ARHGAP35: variants seen among roughly 807,000 people sequenced by gnomAD.
The protein encoded by ARHGAP35 is Rho GTPase activating protein 35.
Under a neutral mutation model 111.1 loss-of-function variants are expected in ARHGAP35, and 15 were observed. The observed-to-expected ratio is 0.13, with a 90% confidence interval of 0.09 to 0.21. The LOEUF (loss-of-function observed/expected upper bound fraction) is 0.21, where lower values mean the gene tolerates loss of function less well. Among genes scored for constraint, ARHGAP35 ranks in the 10% least tolerant of loss-of-function variants. The pLI, the probability that ARHGAP35 is intolerant of heterozygous loss-of-function variation, is 1.00. For synonymous variants in ARHGAP35, 643 were observed against 710.3 expected (o/e 0.91, Z 1.51); for missense variants, 1,262 against 1,873.0 (o/e 0.67, Z 6.02).
Position 46,999,409 on chromosome 19 carries a change from A to G in ARHGAP35, c.4142A>G (p.Lys1381Arg). 4.5e-6 allele frequency: 7 copies of G among 1,567,896 alleles called. No homozygotes were observed. Among genetic ancestry groups the G allele is most frequent in the Non-Finnish European group, 6.1e-6 (7 of 1,154,050 alleles). Residue 1381 changes from lysine (K) to arginine (R), a missense_variant and splice_region_variant, in exon 6 of 7, where the codon AAG becomes AGG. This residue lies in a region of ARHGAP35 where 50 missense variants were observed against 60.5 expected (regional missense o/e 0.83). Transcript: ENST00000672722. This position sits in a 1 kb window ranked among gnomAD's most constrained non-coding sequence, Gnocchi z 5.4. Reference protein sequence around the residue: ...VFKYVISHLNKVSHNNKVNLM... With the variant: ...VFKYVISHLNRVSHNNKVNLM... Reference sequence around the variant, plus strand: ...AAGTATGTCATCTCTCACCTAAACAAGTAAGTCGCAGGGCCTTCTGGTTGG... The same window carrying G: ...AAGTATGTCATCTCTCACCTAAACAGGTAAGTCGCAGGGCCTTCTGGTTGG...
In ARHGAP35 at chr19:46,928,594, G is replaced by C. The variant is rs11880503; in HGVS notation, c.3681+6238G>C. 6.5e-3 allele frequency among the ~76,000 whole-genome samples: 985 copies of C among 152,030 alleles called. 9 individuals carry two copies. Among genetic ancestry groups the C allele is most frequent in the African/African-American group, 0.023 (953 of 41,466 alleles). On this transcript the variant is annotated intron_variant, in intron 2 of 6. Coordinates refer to ENST00000672722, the MANE Select transcript of ARHGAP35 (RefSeq NM_004491.5). ...TGGCCACGAGTTGTCTTCTCGGGGG[G>C]GTGGATCCGCGGTCACCAGACTTCA... is the stretch of plus-strand genomic sequence containing the variant.
chr19:46,967,800 G>A (rs185166575), intron 3 of ARHGAP35, among the ~76,000 whole-genome samples: 28 of 152,206 alleles, frequency 1.8e-4, no homozygotes, highest in African/African-American at 4.8e-4. Context: ...TTTCTCACCC[G>A]CACTGCCTTT....
chr19:46,929,695 C>G (rs2056260773), intron 2 of ARHGAP35, among the ~76,000 whole-genome samples: 1 of 146,176 alleles, frequency 6.8e-6, no homozygotes, highest in South Asian at 2.1e-4. Flanking sequence ...GGGCAGATCA[C>G]TTGAGGTCGG....
intron 3 of ARHGAP35, among the ~76,000 whole-genome samples, chr19:46,940,624 T>A (rs1252608719): frequency 6.6e-6 from 1 of 151,482 alleles, no homozygotes; most frequent in African/African-American, 2.4e-5. Flanking sequence ...TTTTTTTAAT[T>A]TTTTGTATTT....
At chr19:46,929,375 G>A (rs980083540) in intron 2 of ARHGAP35, among the ~76,000 whole-genome samples, 3 of 152,128 alleles carry the variant, frequency 2.0e-5, no homozygotes, top group Admixed American at 2.0e-4. Flanking sequence ...GCAAGAAAGT[G>A]GTTTAGGGAA....
chr19:46,977,950 A>G (rs1332002146), intron 3 of ARHGAP35, among the ~76,000 whole-genome samples: 1 of 152,186 alleles, frequency 6.6e-6, no homozygotes, highest in East Asian at 1.9e-4. Flanking sequence ...AATTGTTGGG[A>G]TCCTATAACA....
rs765901729 is a variant in ARHGAP35 at position 46,921,532 on chromosome 19, A to G, written c.2857A>G (p.Met953Val). The change falls in exon 2 of 7, where the codon ATG becomes GTG. Residue 953 changes from methionine to valine, a missense_variant. By Grantham distance (21) the Met-to-Val change is conservative. Coordinates refer to ENST00000672722, the MANE Select transcript of ARHGAP35 (RefSeq NM_004491.5). The surrounding 1 kb of genome is among the most constrained non-coding windows in gnomAD (Gnocchi z 4.3). Reference sequence around the variant, plus strand: ...AAAGAACATAATCGAGGCTACTCATATGTACGATAATGCTGCCGAGGCCTG... The same window carrying G: ...AAAGAACATAATCGAGGCTACTCATGTGTACGATAATGCTGCCGAGGCCTG... The part of the protein sequence containing the change: ...EKKNIIEATH[M>V]YDNAAEACST... 89 of 1,613,916 alleles carry G rather than the reference A, an allele frequency of 5.5e-5. No homozygotes were observed. Among genetic ancestry groups the G allele is most frequent in the Non-Finnish European group, 7.3e-5 (86 of 1,179,908 alleles).
At position 46,922,352 on chromosome 19, in the gene ARHGAP35, C is replaced by G. The variant is rs2056208160; in HGVS notation, c.3677C>G (p.Thr1226Ser). Residue 1226 changes from threonine (T) to serine (S), a missense_variant, in exon 2 of 7, where the codon ACT (threonine) becomes AGT (serine). Physicochemically the swap from Thr to Ser is moderately conservative, Grantham distance 58. Transcript: ENST00000672722. This position sits in a 1 kb window ranked among gnomAD's most constrained non-coding sequence, Gnocchi z 4.0. ...ATTCTTCGCAGCCTAAGGAGGAACA[C>G]TAAGGTAAGACACCAGTCTAGGATT... ...RNILRSLRRNTKKPKPKPRPS... is the reference protein window; with the variant it reads ...RNILRSLRRNSKKPKPKPRPS... 1 of 1,590,700 alleles carries G rather than the reference C, an allele frequency of 6.3e-7. No homozygotes were observed. The highest frequency in any genetic ancestry group is 8.6e-7 in the Non-Finnish European group (1 of 1,168,700).
In ARHGAP35 at chr19:46,920,269, G is replaced by A. The variant is rs762632928; in HGVS notation, c.1594G>A (p.Ala532Thr). ...TCTGGGAGAGGAACAGCGATTTAAA[G>A]CATTACAAAAGCTCCAAGCAGAGCG... ...DVLGEEQRFKALQKLQAERDA... is the reference protein window; with the variant it reads ...DVLGEEQRFKTLQKLQAERDA... The change falls in exon 2 of 7, where the codon GCA becomes ACA. Residue 532 changes from alanine to threonine, a missense_variant. This residue lies in a region of ARHGAP35 where 328 missense variants were observed against 440.8 expected (regional missense o/e 0.74). Coordinates refer to ENST00000672722, the MANE Select transcript of ARHGAP35 (RefSeq NM_004491.5). This position sits in a 1 kb window ranked among gnomAD's most constrained non-coding sequence, Gnocchi z 7.0. The A allele has an allele frequency of 5.0e-6, 8 of 1,614,018 alleles. No homozygotes were observed. In the South Asian group the frequency reaches 8.8e-5, roughly 18 times the overall value.
At chr19:46,978,686 G>GATGTGTGTGTGGTGGGGT (rs2056596663) in intron 3 of ARHGAP35, among the ~76,000 whole-genome samples, 1 of 80,010 alleles carries the variant, frequency 1.2e-5, no homozygotes, top group Non-Finnish European at 2.4e-5. Context: ...TGTGTGGTGG[G>GATGTGTGTGTGGTGGGGT]ATGTGTGTGT....
chr19:46,966,385 CA>C (rs1030425186), intron 3 of ARHGAP35, among the ~76,000 whole-genome samples: 11 of 152,082 alleles, frequency 7.2e-5, no homozygotes, highest in Admixed American at 1.3e-4. Context: ...TCTGTCTCTA[CA>C]AAAAATTAGA....
At chr19:46,925,232 G>A (rs1203256440) in intron 2 of ARHGAP35, among the ~76,000 whole-genome samples, 3 of 152,190 alleles carry the variant, frequency 2.0e-5, no homozygotes, top group African/African-American at 4.8e-5. Flanking sequence ...GGAAAATGGT[G>A]CTTTGAAATG....
chr19:46,877,322 G>A (rs1410489150), intron 1 of ARHGAP35, among the ~76,000 whole-genome samples: 1 of 151,736 alleles, frequency 6.6e-6, no homozygotes, highest in Admixed American at 6.6e-5. Flanking sequence ...CAGCACTTTG[G>A]GAGGCGGAGG....
chr19:46,892,175 C>T (rs1169564205), intron 1 of ARHGAP35, among the ~76,000 whole-genome samples: 1 of 147,884 alleles, frequency 6.8e-6, no homozygotes, highest in Non-Finnish European at 1.5e-5. Context: ...TGGTGGCATG[C>T]CTGTTGTAAT....
chr19:46,889,255 G>C (rs1243252231), intron 1 of ARHGAP35, among the ~76,000 whole-genome samples: 4 of 152,152 alleles, frequency 2.6e-5, no homozygotes, highest in Non-Finnish European at 4.4e-5. Flanking sequence ...CACGAGGTCA[G>C]TAGATCAAGA....
At chr19:46,879,619 A>AAATAAATAAAT (rs1568459494) in intron 1 of ARHGAP35, among the ~76,000 whole-genome samples, 377 of 17,088 alleles carry the variant, frequency 0.022, 2 homozygotes, top group African/African-American at 0.051. Flanking sequence ...AATAAATAAA[A>AAATAAATAAAT]ATAAAAATAC....
At chr19:46,885,029 A>G (rs1470920225) in intron 1 of ARHGAP35, among the ~76,000 whole-genome samples, 2 of 152,136 alleles carry the variant, frequency 1.3e-5, no homozygotes, top group African/African-American at 4.8e-5. Flanking sequence ...AGGGGTCTAT[A>G]TCTAAATCCT....
intron 1 of ARHGAP35, among the ~76,000 whole-genome samples, chr19:46,883,242 G>A (rs1245830184): frequency 2.0e-5 from 3 of 151,292 alleles, no homozygotes; most frequent in Non-Finnish European, 4.4e-5. Flanking sequence ...TTACAGGCAC[G>A]TGCCACCATG....
chr19:46,874,192 T>C (rs1218233264), intron 1 of ARHGAP35, among the ~76,000 whole-genome samples: 1 of 152,128 alleles, frequency 6.6e-6, no homozygotes, highest in African/African-American at 2.4e-5. Context: ...GAGGTAGAGG[T>C]CTAGGTATCT....
Sources: gnomAD v4.1 joint callset for allele counts (sites outside exome capture counted in the v4.1 genomes callset) on GRCh38, gnomAD v4.1.1 for gene constraint, gnomAD v4.1.1 regional missense constraint, Gnocchi (gnomAD v3.1) non-coding constraint, MANE v1.5 for transcripts, NCBI Gene and HGNC (gene_info 2026-07-23, HGNC 2026-07-21) for gene names.